The following LRRC3B variants were observed in gnomAD, a reference collection of about 807,000 sequenced individuals.
The protein encoded by LRRC3B is leucine-rich repeat-containing protein 3B.
LRRC3B carries 2 observed loss-of-function variants against 12.8 expected under a neutral mutation model. That is an observed-to-expected ratio of 0.16 (90% CI 0.06 to 0.49). The LOEUF (loss-of-function observed/expected upper bound fraction) is 0.49, where lower values mean the gene tolerates loss of function less well. Ranked by LOEUF, LRRC3B falls within the 20% of genes least tolerant of loss-of-function variation. The pLI is 0.96. For missense variants in LRRC3B, 189 were observed against 319.4 expected (o/e 0.59, Z 3.11); for synonymous variants, 132 against 122.0 (o/e 1.08, Z -0.54).
chr3:26,699,644 G>A (rs1045788892), intron 1 of LRRC3B, among the ~76,000 whole-genome samples: 1 of 152,164 alleles, frequency 6.6e-6, no homozygotes, highest in Admixed American at 6.6e-5. Context: ...TTCACCATAA[G>A]TAAGGGCTTT....
chr3:26,698,443 G>T (rs1381823086), intron 1 of LRRC3B, among the ~76,000 whole-genome samples: 1 of 152,104 alleles, frequency 6.6e-6, no homozygotes, highest in Non-Finnish European at 1.5e-5. Context: ...GAGAATCACT[G>T]CTCATTTCAC....
chr3:26,677,125 A>G (rs1699876428), intron 1 of LRRC3B, among the ~76,000 whole-genome samples: 1 of 152,174 alleles, frequency 6.6e-6, no homozygotes, highest in African/African-American at 2.4e-5. Context: ...GGAGACAAAA[A>G]CCATACCATC....
At chr3:26,689,742 C>T (rs967226098) in intron 1 of LRRC3B, among the ~76,000 whole-genome samples, 1 of 152,174 alleles carries the variant, frequency 6.6e-6, no homozygotes, top group African/African-American at 2.4e-5. Flanking sequence ...TTTTAGCCAT[C>T]CAGATCTTCA....
intron 1 of LRRC3B, among the ~76,000 whole-genome samples, chr3:26,671,586 G>A (rs933331108): frequency 6.6e-6 from 1 of 150,838 alleles, no homozygotes; most frequent in East Asian, 2.0e-4. Flanking sequence ...GTAGAGACGG[G>A]GTTTCGTCAT....
At chr3:26,689,550 C>G (rs897958894) in intron 1 of LRRC3B, among the ~76,000 whole-genome samples, 2 of 152,198 alleles carry the variant, frequency 1.3e-5, no homozygotes, top group Non-Finnish European at 2.9e-5. Context: ...ATGTGAGAAG[C>G]TTCCTCCTTT....
chr3:26,700,021 C>T (rs1700414837), intron 1 of LRRC3B, among the ~76,000 whole-genome samples: 1 of 152,106 alleles, frequency 6.6e-6, no homozygotes. Context: ...CTCTGAAGAT[C>T]CATAAGCACT....
chr3:26,628,863 A>G (rs904087107), intron 1 of LRRC3B, among the ~76,000 whole-genome samples: 29 of 147,800 alleles, frequency 2.0e-4, no homozygotes, highest in African/African-American at 7.3e-4. Context: ...AAAAAAAAAA[A>G]TCCTCCACAA....
chr3:26,701,534 A>T (rs756733599), intron 1 of LRRC3B, among the ~76,000 whole-genome samples: 1 of 152,128 alleles, frequency 6.6e-6, no homozygotes, highest in South Asian at 2.1e-4. Context: ...AAGACTCAAG[A>T]TGCTCGCTCC....
chr3:26,631,698 G>A (rs1374551773), intron 1 of LRRC3B, among the ~76,000 whole-genome samples: 2 of 151,156 alleles, frequency 1.3e-5, no homozygotes, highest in African/African-American at 4.9e-5. Flanking sequence ...CCTTGTAGGG[G>A]TGGCAACATC....
rs547461989 is a variant in LRRC3B at position 26,626,766 on chromosome 3, G to A, written c.-161+3529G>A. Reference sequence around the variant, plus strand: ...CTTTTTGCAAAAATAAAACATTGCAGAATATTTGTAAGCCTTCAAATCAAC... The same window carrying A: ...CTTTTTGCAAAAATAAAACATTGCAAAATATTTGTAAGCCTTCAAATCAAC... On this transcript the variant is annotated intron_variant, in intron 1 of 1. Transcript: ENST00000396641. Among the ~76,000 whole-genome samples the A allele has an allele frequency of 3.0e-3, 462 of 152,240 alleles. 2 individuals are homozygous for A. Among genetic ancestry groups the A allele is most frequent in the African/African-American group, 0.011 (439 of 41,544 alleles).
At chr3:26,697,685 A>T (rs1182982563) in intron 1 of LRRC3B, among the ~76,000 whole-genome samples, 2 of 152,118 alleles carry the variant, frequency 1.3e-5, no homozygotes, top group African/African-American at 4.8e-5. Context: ...AAAATTCTCA[A>T]TTCATTACAG....
chr3:26,662,012 T>A (rs575983412), intron 1 of LRRC3B, among the ~76,000 whole-genome samples: 1 of 152,146 alleles, frequency 6.6e-6, no homozygotes, highest in Non-Finnish European at 1.5e-5. Flanking sequence ...GTTCTGGGGC[T>A]CCTCTGAGAA....
chr3:26,624,299 A>G (rs1698572258), intron 1 of LRRC3B: 2 of 152,438 alleles, frequency 1.3e-5, no homozygotes, highest in African/African-American at 4.8e-5. Flanking sequence ...TAAGAGGACC[A>G]TAGTCTGCTC....
intron 1 of LRRC3B, among the ~76,000 whole-genome samples, chr3:26,655,838 A>G (rs1046666877): frequency 2.0e-5 from 3 of 152,200 alleles, no homozygotes; most frequent in Non-Finnish European, 4.4e-5. Flanking sequence ...TGTGCCAAGC[A>G]TATCACACAC....
chr3:26,671,350 G>GTATATATATATATATGTATATATA (rs1699727556), intron 1 of LRRC3B, among the ~76,000 whole-genome samples: 1 of 56,748 alleles, frequency 1.8e-5, no homozygotes, highest in African/African-American at 8.3e-5. Context: ...ATATATGTGT[G>GTATATATATATATATGTATATATA]TATATATATA....
chr3:26,674,482 G>T (rs376025733), intron 1 of LRRC3B, among the ~76,000 whole-genome samples: 35 of 152,170 alleles, frequency 2.3e-4, no homozygotes, highest in Middle Eastern at 3.4e-3. Context: ...AAGGAAAGAA[G>T]GTTGCTTTTT....
At chr3:26,706,314 C>A (rs1700585717) in intron 1 of LRRC3B, among the ~76,000 whole-genome samples, 1 of 152,134 alleles carries the variant, frequency 6.6e-6, no homozygotes, top group Non-Finnish European at 1.5e-5. Context: ...CATATTCAAA[C>A]CACAGCAGCA....
intron 1 of LRRC3B, among the ~76,000 whole-genome samples, chr3:26,705,243 A>G (rs1700557032): frequency 6.6e-6 from 1 of 152,190 alleles, no homozygotes; most frequent in Non-Finnish European, 1.5e-5. Flanking sequence ...TTAACTGCTG[A>G]TGCGCAGTAA....
chr3:26,661,639 A>G (rs1473873447), intron 1 of LRRC3B, among the ~76,000 whole-genome samples: 1 of 152,186 alleles, frequency 6.6e-6, no homozygotes, highest in Non-Finnish European at 1.5e-5. Flanking sequence ...TTTATAGAAT[A>G]AAACACTTAT....
Sources: allele counts gnomAD v4.1 joint callset (sites outside exome capture counted in the v4.1 genomes callset), GRCh38; gene constraint gnomAD v4.1.1; transcripts MANE v1.5; gene names NCBI Gene and HGNC (gene_info 2026-07-23, HGNC 2026-07-21).